The following NUGGC variants were observed in gnomAD, a reference collection of about 807,000 sequenced individuals.
NUGGC encodes nuclear GTPase, germinal center associated.
Under a neutral mutation model 92.6 loss-of-function variants are expected in NUGGC, and 58 were observed. The ratio of observed to expected loss-of-function variants is 0.63; its 90% confidence interval spans 0.51 to 0.78. The LOEUF is 0.78. Among genes scored for constraint, NUGGC ranks in the 30% least tolerant of loss-of-function variants. NUGGC has a pLI of 0.00. For missense variants in NUGGC, 925 were observed against 964.6 expected (o/e 0.96, Z 0.54); for synonymous variants, 376 against 366.4 (o/e 1.03, Z -0.30).
chr8:28,030,353 G>T lies in NUGGC; in HGVS notation c.1974C>A (p.Ser658=). Residue 658 remains serine (S), a synonymous_variant, in exon 16 of 19, where the codon TCC becomes TCA. Transcript: ENST00000413272. ...GGTCACTCTGGACAGAGGCAGTGAG[G>T]GACTCGTAGATCCTCCTCTTCCTTC... ...ILRRKRRIYE[S]LTASVQSDLK... is the part of the protein sequence containing the mutation. 1 of 1,581,206 alleles carries T rather than the reference G, an allele frequency of 6.3e-7. No individual in the cohort carries two copies. The highest frequency in any genetic ancestry group is 8.6e-7 in the Non-Finnish European group (1 of 1,162,330).
At chr8:28,061,370 G>A (rs1810301472) in intron 7 of NUGGC, among the ~76,000 whole-genome samples, 1 of 152,168 alleles carries the variant, frequency 6.6e-6, no homozygotes, top group Non-Finnish European at 1.5e-5. Context: ...GTAGCCTTGT[G>A]ACATTTCTCT....
chr8:28,048,860 C>CAAA (rs60050826), intron 10 of NUGGC, among the ~76,000 whole-genome samples: 2 of 109,384 alleles, frequency 1.8e-5, no homozygotes, highest in African/African-American at 3.4e-5. Flanking sequence ...GATTCCATCT[C>CAAA]AAAAAAAAAA....
At chr8:28,037,834 G>A (rs899374802) in intron 13 of NUGGC, among the ~76,000 whole-genome samples, 3 of 152,158 alleles carry the variant, frequency 2.0e-5, no homozygotes, top group African/African-American at 7.2e-5. Context: ...TGTCACAACT[G>A]AAGAGTGGGG....
At chr8:28,043,885 CA>C (rs1809761284) in intron 12 of NUGGC, among the ~76,000 whole-genome samples, 1 of 152,160 alleles carries the variant, frequency 6.6e-6, no homozygotes, top group South Asian at 2.1e-4. Flanking sequence ...TTTCAGCGGA[CA>C]AAGTCAAATA....
chr8:28,025,639 G>A (rs536993895), intron 18 of NUGGC, among the ~76,000 whole-genome samples: 29 of 47,056 alleles, frequency 6.2e-4, no homozygotes, highest in South Asian at 3.6e-3. Flanking sequence ...CCTGGAGTCC[G>A]TTAGATCAGG....
chr8:28,049,133 G>C (rs1809923709), intron 10 of NUGGC, among the ~76,000 whole-genome samples: 1 of 152,248 alleles, frequency 6.6e-6, no homozygotes, highest in South Asian at 2.1e-4. Flanking sequence ...GTGAGTAGAC[G>C]CCTTGCAGTC....
chr8:28,057,320 AT>A (rs1445023090), intron 9 of NUGGC, among the ~76,000 whole-genome samples: 2 of 122,856 alleles, frequency 1.6e-5, no homozygotes, highest in Admixed American at 8.5e-5. Flanking sequence ...CTTCCTTATG[AT>A]TTTCTTTCCT....
At chr8:28,026,936 T>C (rs756380756) in intron 18 of NUGGC, 26 bp downstream of exon 18, 9 of 1,489,594 alleles carry the variant, frequency 6.0e-6, no homozygotes, top group South Asian at 1.1e-5. Flanking sequence ...ACAATCACCC[T>C]GTATACAAAG....
At chr8:28,043,242 A>G (rs1295365067) in intron 12 of NUGGC, among the ~76,000 whole-genome samples, 4 of 152,080 alleles carry the variant, frequency 2.6e-5, no homozygotes, top group Non-Finnish European at 4.4e-5. Context: ...TAAAAGAACA[A>G]TAAGAAACAA....
intron 9 of NUGGC, among the ~76,000 whole-genome samples, chr8:28,057,765 G>A (rs1277331993): frequency 1.3e-5 from 2 of 152,108 alleles, no homozygotes; most frequent in South Asian, 2.1e-4. Flanking sequence ...ATCAACAGTG[G>A]CTATTAGTAG....
In NUGGC at chr8:28,029,419, C is replaced by T. The variant is rs771965859; in HGVS notation, c.2018-17G>A. 23 of 1,610,882 alleles carry T rather than the reference C, an allele frequency of 1.4e-5. 1 individual carries two copies. The South Asian group carries it at 2.1e-4, about 15-fold the overall frequency. ...GAGCTGCCTCTGGCAAAAATGATAG[C>T]CACAGTCACACCAAGACAAGGACCT... On this transcript the variant is annotated splice_polypyrimidine_tract_variant and intron_variant, in intron 16 of 18. Transcript: ENST00000413272.
At chr8:28,044,376 C>T (rs1257268470) in intron 12 of NUGGC, among the ~76,000 whole-genome samples, 2 of 152,176 alleles carry the variant, frequency 1.3e-5, no homozygotes, top group Non-Finnish European at 2.9e-5. Flanking sequence ...CAGAGTCAGC[C>T]ACCATCATTT....
chr8:28,050,514 T>C (rs996682914), intron 10 of NUGGC, among the ~76,000 whole-genome samples: 1 of 151,718 alleles, frequency 6.6e-6, no homozygotes, highest in Non-Finnish European at 1.5e-5. Flanking sequence ...AAACCAGTAA[T>C]ATCAATCATG....
At chr8:28,033,503 G>C (rs1809474640) in intron 14 of NUGGC, 37 bp downstream of exon 14, 1 of 1,593,000 alleles carries the variant, frequency 6.3e-7, no homozygotes, top group East Asian at 2.2e-5. Flanking sequence ...TTCTTCCGAT[G>C]TTTGTTCCCG....
intron 7 of NUGGC, among the ~76,000 whole-genome samples, chr8:28,062,452 C>CAAA (rs34648549): frequency 7.6e-6 from 1 of 132,176 alleles, no homozygotes; most frequent in African/African-American, 2.8e-5. Context: ...CTCATCTCTA[C>CAAA]AAAAAAAAAA....
intron 2 of NUGGC, 140 bp downstream of exon 2, chr8:28,074,228 T>G: frequency 4.5e-6 from 3 of 664,814 alleles, no homozygotes; most frequent in Non-Finnish European, 5.5e-6. Flanking sequence ...CTATTTAAAC[T>G]TGTCACGAGA....
chr8:28,077,248 A>G (rs546242704), intron 1 of NUGGC, among the ~76,000 whole-genome samples: 1 of 152,242 alleles, frequency 6.6e-6, no homozygotes, highest in East Asian at 1.9e-4. Flanking sequence ...ATGAGTAAAT[A>G]TACCATAATG....
At chr8:28,071,889 G>C (rs1810599575) in intron 2 of NUGGC, among the ~76,000 whole-genome samples, 1 of 152,130 alleles carries the variant, frequency 6.6e-6, no homozygotes, top group Non-Finnish European at 1.5e-5. Flanking sequence ...CTCCAAAACT[G>C]AGTGTGACAT....
At chr8:28,044,608 A>C (rs528036492) in intron 12 of NUGGC, among the ~76,000 whole-genome samples, 2 of 152,324 alleles carry the variant, frequency 1.3e-5, no homozygotes, top group South Asian at 4.1e-4. Flanking sequence ...GAAGTTATTC[A>C]TCAAGTCCCG....
Sources: gnomAD v4.1 joint callset for allele counts (sites outside exome capture counted in the v4.1 genomes callset) on GRCh38, gnomAD v4.1.1 for gene constraint, MANE v1.5 for transcripts, NCBI Gene and HGNC (gene_info 2026-07-23, HGNC 2026-07-21) for gene names.